The following ZBTB20 variants were observed in gnomAD, a reference collection of about 807,000 sequenced individuals.
The protein encoded by ZBTB20 is zinc finger and BTB domain-containing protein 20.
In ZBTB20, 9 loss-of-function variants were observed where a neutral mutation model predicts 56.9. The ratio of observed to expected loss-of-function variants is 0.16; its 90% CI spans 0.10 to 0.28. The LOEUF (loss-of-function observed/expected upper bound fraction) is 0.28, where lower values mean the gene tolerates loss of function less well. ZBTB20 is among the 10% of genes least tolerant of loss of function. ZBTB20 has a pLI of 1.00. For missense variants in ZBTB20, 655 were observed against 1,003.0 expected (o/e 0.65, Z 4.69); for synonymous variants, 417 against 420.7 (o/e 0.99, Z 0.11).
intron 4 of ZBTB20, among the ~76,000 whole-genome samples, chr3:114,870,994 A>G (rs879580078): frequency 3.3e-5 from 5 of 151,856 alleles, no homozygotes; most frequent in Admixed American, 3.3e-4. Flanking sequence ...CCAATTCCAC[A>G]CTACCCAAGT....
intron 4 of ZBTB20, among the ~76,000 whole-genome samples, chr3:114,810,107 AC>A (rs1192972028): frequency 4.6e-5 from 7 of 152,088 alleles, no homozygotes; most frequent in Non-Finnish European, 7.4e-5. Context: ...TGTAGAATGC[AC>A]TCAAAGTTCA....
intron 6 of ZBTB20, among the ~76,000 whole-genome samples, chr3:114,661,535 A>T (rs548047890): frequency 1.3e-5 from 2 of 152,260 alleles, no homozygotes; most frequent in South Asian, 4.1e-4. Flanking sequence ...CTTTTCGAAC[A>T]TGTCATTTGC....
At chr3:114,988,382 G>A (rs2108130778) in intron 2 of ZBTB20, among the ~76,000 whole-genome samples, 1 of 151,806 alleles carries the variant, frequency 6.6e-6, no homozygotes, top group African/African-American at 2.4e-5. Context: ...ATAGTTTGCT[G>A]AGAATGATGG....
intron 4 of ZBTB20, among the ~76,000 whole-genome samples, chr3:114,894,963 T>C (rs1157559071): frequency 2.0e-5 from 3 of 152,188 alleles, no homozygotes; most frequent in Non-Finnish European, 2.9e-5. Flanking sequence ...CAATTCTATA[T>C]ATATTATCTA....
chr3:115,119,827 T>G (rs960752262), intron 1 of ZBTB20, among the ~76,000 whole-genome samples: 8 of 152,088 alleles, frequency 5.3e-5, no homozygotes, highest in Non-Finnish European at 1.0e-4. Context: ...CAAGCAAGAG[T>G]GTAATACTGT....
intron 6 of ZBTB20, among the ~76,000 whole-genome samples, chr3:114,663,646 C>CAGTGTGCTATAT (rs1299955964): frequency 3.0e-3 from 459 of 151,556 alleles, no homozygotes; most frequent in Admixed American, 5.4e-3. Flanking sequence ...GGAAACCCAT[C>CAGTGTGCTATAT]TCACGTGCAG....
At chr3:114,352,870 G>C (rs1206462719) in intron 10 of ZBTB20, among the ~76,000 whole-genome samples, 1 of 152,142 alleles carries the variant, frequency 6.6e-6, no homozygotes, top group African/African-American at 2.4e-5. Flanking sequence ...TGGGTAATAG[G>C]GTGCTTTATG....
chr3:114,691,135 T>C (rs2062675315), intron 6 of ZBTB20, among the ~76,000 whole-genome samples: 1 of 152,168 alleles, frequency 6.6e-6, no homozygotes, highest in Non-Finnish European at 1.5e-5. Flanking sequence ...GGCAACTCAC[T>C]GATGAGATTT....
rs75995250 is a variant in ZBTB20, at chr3:114,358,216, G to A, written c.200-6338C>T. Among the ~76,000 whole-genome samples, 584 of 152,300 alleles carry A rather than the reference G, an allele frequency of 3.8e-3. 26 individuals are homozygous for A. In the East Asian group the frequency reaches 0.082, roughly 21 times the overall value. On this transcript the variant is annotated intron_variant, in intron 10 of 11. Transcript: ENST00000675478. ...TTTACTTGCAAGATCTATAGCACTTGTAATGGGGAGACTGCCTTTCTTTCT... is the reference window on the plus strand; with the variant it reads ...TTTACTTGCAAGATCTATAGCACTTATAATGGGGAGACTGCCTTTCTTTCT...
intron 3 of ZBTB20, among the ~76,000 whole-genome samples, chr3:114,955,581 A>G (rs931835061): frequency 1.3e-5 from 2 of 152,146 alleles, no homozygotes; most frequent in Non-Finnish European, 2.9e-5. Flanking sequence ...TAGCTCTAGT[A>G]CTCAACCTTG....
Position 114,479,073 on chromosome 3 carries a change from G to C in ZBTB20, c.-255+21279C>G, listed in dbSNP as rs1001092039. Among the ~76,000 whole-genome samples the C allele has an allele frequency of 6.1e-5, 9 of 148,502 alleles. No individual in the cohort carries two copies. In the East Asian group the frequency reaches 1.2e-3, roughly 20 times the overall value. On this transcript the variant is annotated intron_variant, in intron 7 of 11. Coordinates refer to ENST00000675478, the MANE Select transcript of ZBTB20 (RefSeq NM_001348800.3). ...TCTGGTCTGTTCCTCTATTGGGGGG[G>C]GGCCACAGTAGGGTGTTTTTTCAGG...
intron 4 of ZBTB20, among the ~76,000 whole-genome samples, chr3:114,839,390 AGAGT>A (rs2074265795): frequency 7.2e-6 from 1 of 137,966 alleles, no homozygotes; most frequent in South Asian, 2.3e-4. Context: ...CCTGGGTGAC[AGAGT>A]GAGAGCCTGT....
intron 1 of ZBTB20, among the ~76,000 whole-genome samples, chr3:115,120,952 GAA>G (rs2084166670): frequency 6.6e-6 from 1 of 152,054 alleles, no homozygotes; most frequent in African/African-American, 2.4e-5. Context: ...AGGAAAAAAA[GAA>G]AGAGATGAGA....
intron 7 of ZBTB20, among the ~76,000 whole-genome samples, chr3:114,470,230 G>A (rs928397840): frequency 6.6e-6 from 1 of 152,002 alleles, no homozygotes; most frequent in Non-Finnish European, 1.5e-5. Flanking sequence ...AATAACAAAA[G>A]ACACTTTTAT....
intron 2 of ZBTB20, among the ~76,000 whole-genome samples, chr3:114,990,403 G>A (rs1350844163): frequency 5.3e-5 from 8 of 152,066 alleles, no homozygotes; most frequent in South Asian, 4.1e-4. Context: ...GCTGGATTAC[G>A]TTTATTGATT....
chr3:115,037,099 T>C (rs986212376), intron 2 of ZBTB20, among the ~76,000 whole-genome samples: 14 of 152,344 alleles, frequency 9.2e-5, no homozygotes, highest in African/African-American at 3.4e-4. Flanking sequence ...ATTAAGCTTT[T>C]ACTAATAGTG....
intron 7 of ZBTB20, among the ~76,000 whole-genome samples, chr3:114,497,990 T>C (rs1026411902): frequency 5.9e-5 from 9 of 151,668 alleles, no homozygotes; most frequent in African/African-American, 1.7e-4. Flanking sequence ...ACAGTAAGAG[T>C]GAGGGATAAA....
chr3:114,674,095 T>C (rs537290166), intron 6 of ZBTB20, among the ~76,000 whole-genome samples: 86 of 152,294 alleles, frequency 5.6e-4, no homozygotes, highest in East Asian at 4.8e-3. Flanking sequence ...CATTATTTGT[T>C]TTATTTATTT....
chr3:114,611,512 C>T (rs2057550168), intron 6 of ZBTB20, among the ~76,000 whole-genome samples: 1 of 152,148 alleles, frequency 6.6e-6, no homozygotes, highest in South Asian at 2.1e-4. Flanking sequence ...GGGCTCACTT[C>T]CCAACCTGGA....
Sources: gnomAD v4.1 joint callset for allele counts (sites outside exome capture counted in the v4.1 genomes callset) on GRCh38, gnomAD v4.1.1 for gene constraint, MANE v1.5 for transcripts, NCBI Gene and HGNC (gene_info 2026-07-23, HGNC 2026-07-21) for gene names.